The following DAGLB variants were observed in gnomAD, a reference collection of about 807,000 sequenced individuals.
The protein encoded by DAGLB is diacylglycerol lipase-beta.
Under a neutral mutation model 72.1 loss-of-function variants are expected in DAGLB, and 66 were observed. The ratio of observed to expected loss-of-function variants is 0.92; its 90% CI spans 0.75 to 1.12. DAGLB has a LOEUF of 1.12. Among genes scored for constraint, DAGLB ranks in the 50% most tolerant of loss-of-function variants. The pLI is 0.00. For missense variants in DAGLB, 1,065 were observed against 884.9 expected (o/e 1.20, Z -2.58); for synonymous variants, 414 against 359.5 (o/e 1.15, Z -1.71).
intron 3 of DAGLB, 35 bp from the exon 4 acceptor site, chr7:6,435,055 GC>G: frequency 6.2e-7 from 1 of 1,604,864 alleles, no homozygotes; most frequent in Non-Finnish European, 8.5e-7. Flanking sequence ...CTCGGTGACT[GC>G]GGGCCCCAGC....
chr7:6,423,224 T>C (rs967336252), intron 8 of DAGLB, among the ~76,000 whole-genome samples: 38 of 152,170 alleles, frequency 2.5e-4, no homozygotes. Flanking sequence ...TACTCCACCC[T>C]GGGCAACAGA....
chr7:6,426,332 C>T (rs1010534082), intron 6 of DAGLB, among the ~76,000 whole-genome samples: 10 of 152,202 alleles, frequency 6.6e-5, no homozygotes, highest in African/African-American at 2.4e-4. Flanking sequence ...TACCGTGGTA[C>T]AATCTCAGGT....
At chr7:6,428,869 A>ACC (rs961849698) in intron 6 of DAGLB, among the ~76,000 whole-genome samples, 1 of 152,008 alleles carries the variant, frequency 6.6e-6, no homozygotes, top group South Asian at 2.1e-4. Flanking sequence ...CAGTGGTGCA[A>ACC]CCCCAGCTCA....
chr7:6,436,505 CT>C lies in DAGLB; in HGVS notation c.275del (p.Lys92SerfsTer39), dbSNP rs865873063. ...RGTICNPGPR[K>X]SMSKLLYIRL... Reference sequence around the variant, plus strand: ...GGATGTAAAGCAGCTTAGACATAGACTTCCGCGGTCCAGGGTTACAAATCGT... The same window carrying C: ...GGATGTAAAGCAGCTTAGACATAGACTCCGCGGTCCAGGGTTACAAATCGT... On this transcript the variant is annotated frameshift_variant, in exon 3 of 15. Coordinates refer to ENST00000297056, the MANE Select transcript of DAGLB (RefSeq NM_139179.4). LOFTEE classifies it high-confidence loss of function. 7.4e-6 allele frequency: 12 copies of C among 1,614,076 alleles called. No individual in the cohort carries two copies. The highest frequency in any genetic ancestry group is 1.0e-5 in the Non-Finnish European group (12 of 1,180,040).
intron 2 of DAGLB, among the ~76,000 whole-genome samples, chr7:6,437,389 C>T (rs1038429935): frequency 5.3e-5 from 8 of 152,080 alleles, no homozygotes; most frequent in Admixed American, 3.3e-4. Flanking sequence ...GTCATTATCT[C>T]ATTTTACGTA....
At position 6,434,786 on chromosome 7, in the gene DAGLB, T is replaced by A; in HGVS notation, c.654A>T (p.Ala218=). The change falls in exon 4 of 15, where the codon GCA becomes GCT. Residue 218 remains alanine (A), a synonymous_variant. Coordinates refer to ENST00000297056, the MANE Select transcript of DAGLB (RefSeq NM_139179.4). ...DHTRVAFSST[A]ELFSTYFSDT... Reference sequence around the variant, plus strand: ...CTGAAAAGTAGGTTGAGAAAAGCTCTGCCGTACTCGAAAAAGCAACCCGAG... The same window carrying A: ...CTGAAAAGTAGGTTGAGAAAAGCTCAGCCGTACTCGAAAAAGCAACCCGAG... The A allele has an allele frequency of 1.2e-6, 2 of 1,614,202 alleles. No homozygotes were observed. Among genetic ancestry groups the A allele is most frequent in the Non-Finnish European group, 1.7e-6 (2 of 1,180,036 alleles).
Position 6,409,999 on chromosome 7 carries a change from C to G in DAGLB, c.1857G>C (p.Lys619Asn), listed in dbSNP as rs1390031089. 6.2e-6 allele frequency: 10 copies of G among 1,614,136 alleles called. No individual in the cohort carries two copies. The highest frequency in any genetic ancestry group is 8.5e-6 in the Non-Finnish European group (10 of 1,180,028). Residue 619 changes from lysine (K) to asparagine (N), a missense_variant, in exon 15 of 15, where the codon AAG becomes AAC. Coordinates refer to ENST00000297056, the MANE Select transcript of DAGLB (RefSeq NM_139179.4). ...GCCSAAHYSA[K>N]WSHEAEFSKI... ...TGCTGAATTCCGCTTCGTGTGACCA[C>G]TTGGCGCTATAGTGAGCAGCAGAGC...
chr7:6,431,313 C>A (rs971285601), intron 5 of DAGLB, among the ~76,000 whole-genome samples: 4 of 152,108 alleles, frequency 2.6e-5, no homozygotes, highest in Admixed American at 1.3e-4. Flanking sequence ...ACATAACAAC[C>A]TGTGGCAGGA....
rs775375723 is a variant in DAGLB at position 6,430,476 on chromosome 7, C to T, written c.929+4G>A. On this transcript the variant is annotated splice_donor_region_variant and intron_variant, in intron 6 of 14. Transcript: ENST00000297056. ...CTATGGAGGCTCAGACTGTGCCAAC[C>T]CACCAGTCACCACCAATCCTGCACA... 6.5e-7 allele frequency: 1 copy of T among 1,531,304 alleles called. No individual in the cohort carries two copies. The highest frequency in any genetic ancestry group is 8.8e-7 in the Non-Finnish European group (1 of 1,131,930). 94.9% of individuals were successfully genotyped at this position (1,531,304 alleles called of 1,614,324 possible). A position where few individuals can be genotyped will look rare whatever the true frequency, so the allele number is the denominator to read the frequency against.
intron 5 of DAGLB, among the ~76,000 whole-genome samples, chr7:6,431,869 C>A (rs1784497396): frequency 2.0e-5 from 3 of 152,156 alleles, no homozygotes; most frequent in Admixed American, 6.6e-5. Flanking sequence ...CCTCACCTGA[C>A]AGGTGATGCA....
Position 6,446,921 on chromosome 7 carries a change from G to C in DAGLB, c.96-817C>G, listed in dbSNP as rs567741666. Among the ~76,000 whole-genome samples, 11 of 152,190 alleles carry C rather than the reference G, an allele frequency of 7.2e-5. No individual in the cohort carries two copies. The East Asian group carries it at 1.4e-3, about 19-fold the overall frequency. Reference sequence around the variant, plus strand: ...GCTACTTGGAAGAGTGAAGTGGGAAGATCGCTTGAGCCCAGGAGGTTGAGG... The same window carrying C: ...GCTACTTGGAAGAGTGAAGTGGGAACATCGCTTGAGCCCAGGAGGTTGAGG... On this transcript the variant is annotated intron_variant, in intron 1 of 14. Transcript: ENST00000297056.
intron 8 of DAGLB, among the ~76,000 whole-genome samples, chr7:6,423,485 G>A (rs969193274): frequency 1.3e-5 from 2 of 152,066 alleles, no homozygotes; most frequent in Non-Finnish European, 2.9e-5. Context: ...GTGCAATGGC[G>A]CAATCTCAGC....
chr7:6,418,877 G>T (rs946012448), intron 9 of DAGLB, among the ~76,000 whole-genome samples: 1 of 151,784 alleles, frequency 6.6e-6, no homozygotes, highest in Admixed American at 6.6e-5. Flanking sequence ...TGTTAGCCAG[G>T]ATGGTCTCCA....
rs1783782822 is a variant in DAGLB, at chr7:6,413,014, G to A, written c.1448C>T (p.Ser483Phe). ...GLWSKALQEYSQSFIVSLVLG... is the reference protein window; with the variant it reads ...GLWSKALQEYFQSFIVSLVLG... The stretch of plus-strand genomic sequence containing the variant: ...GACGAGTGACACGATGAAGCTCTGA[G>A]AATATTCCTGCAGAGCTTTGCTGAA... The change falls in exon 12 of 15, where the codon TCT (serine) becomes TTT (phenylalanine). Residue 483 changes from serine to phenylalanine, a missense_variant. Ser to Phe is a radical substitution (Grantham distance 155). Coordinates refer to ENST00000297056, the MANE Select transcript of DAGLB (RefSeq NM_139179.4). 1 of 1,613,656 alleles carries A rather than the reference G, an allele frequency of 6.2e-7. No homozygotes were observed. Among genetic ancestry groups the A allele is most frequent in the Non-Finnish European group, 8.5e-7 (1 of 1,179,814 alleles).
intron 6 of DAGLB, among the ~76,000 whole-genome samples, 200 bp downstream of exon 6, chr7:6,430,280 T>C (rs1396066553): frequency 2.5e-5 from 3 of 118,826 alleles, no homozygotes; most frequent in Admixed American, 8.7e-5. Flanking sequence ...TATATATATA[T>C]ATGCAGGGGG....
chr7:6,436,118 G>C (rs1376790224), intron 3 of DAGLB, among the ~76,000 whole-genome samples: 1 of 151,978 alleles, frequency 6.6e-6, no homozygotes, highest in African/African-American at 2.4e-5. Context: ...GAGACAGAAG[G>C]GAATGTAGAA....
At chr7:6,425,451 T>C (rs1784276588) in intron 7 of DAGLB, among the ~76,000 whole-genome samples, 1 of 152,176 alleles carries the variant, frequency 6.6e-6, no homozygotes, top group South Asian at 2.1e-4. Context: ...TTTGTATTTT[T>C]AGTAGAGATG....
At chr7:6,439,223 C>A (rs575269087) in intron 2 of DAGLB, among the ~76,000 whole-genome samples, 1 of 151,110 alleles carries the variant, frequency 6.6e-6, no homozygotes, top group Non-Finnish European at 1.5e-5. Flanking sequence ...ACACTGCACT[C>A]CAGCCTGGGC....
At chr7:6,420,528 TA>T (rs1049200961) in intron 9 of DAGLB, among the ~76,000 whole-genome samples, 3 of 151,754 alleles carry the variant, frequency 2.0e-5, no homozygotes, top group African/African-American at 7.3e-5. Context: ...AGAGACGACT[TA>T]TAGAGACAAA....
Sources: gnomAD v4.1 joint callset for allele counts (sites outside exome capture counted in the v4.1 genomes callset) on GRCh38, gnomAD v4.1.1 for gene constraint, MANE v1.5 for transcripts, NCBI Gene and HGNC (gene_info 2026-07-23, HGNC 2026-07-21) for gene names.